AFF1: variants seen among roughly 807,000 people sequenced by gnomAD.
The protein encoded by AFF1 is ALF transcription elongation factor 1, also known as AF4/FMR2 family member 1.
Under a neutral mutation model 121.7 loss-of-function variants are expected in AFF1, and 48 were observed. The observed-to-expected ratio is 0.39, with a 90% confidence interval of 0.31 to 0.50. The LOEUF (loss-of-function observed/expected upper bound fraction) is 0.50, where lower values mean the gene tolerates loss of function less well. AFF1 is among the 20% of genes least tolerant of loss of function. The pLI, the probability that AFF1 is intolerant of heterozygous loss-of-function variation, is 0.76. For missense variants in AFF1, 1,523 were observed against 1,511.7 expected (o/e 1.01, Z -0.12); for synonymous variants, 613 against 563.0 (o/e 1.09, Z -1.26).
At chr4:87,038,746 C>A (rs539065840) in intron 2 of AFF1, among the ~76,000 whole-genome samples, 1 of 152,296 alleles carries the variant, frequency 6.6e-6, no homozygotes, top group East Asian at 1.9e-4. Flanking sequence ...AAGACTTAAT[C>A]CTTTCCAGAG....
At chr4:87,069,722 T>C (rs1368394791) in intron 4 of AFF1, among the ~76,000 whole-genome samples, 1 of 152,180 alleles carries the variant, frequency 6.6e-6, no homozygotes, top group African/African-American at 2.4e-5. Flanking sequence ...ACTTGGAGTT[T>C]TGTATCTGGA....
At chr4:87,127,532 TC>T in intron 15 of AFF1, 110 bp from the exon 16 acceptor site, 2 of 940,370 alleles carry the variant, frequency 2.1e-6, no homozygotes, top group South Asian at 1.5e-5. Flanking sequence ...TTGTTTACCC[TC>T]TCTCCTCCCC....
At chr4:87,109,556 A>G (rs112351800) in intron 11 of AFF1, among the ~76,000 whole-genome samples, 4 of 152,356 alleles carry the variant, frequency 2.6e-5, no homozygotes, top group African/African-American at 9.6e-5. Flanking sequence ...GGAAAAGGAT[A>G]CTGAATATGC....
chr4:86,972,405 T>C (rs1448246727), intron 2 of AFF1, among the ~76,000 whole-genome samples: 1 of 152,136 alleles, frequency 6.6e-6, no homozygotes, highest in Non-Finnish European at 1.5e-5. Context: ...GCACTTGAAA[T>C]GTGGCTGGTT....
intron 12 of AFF1, among the ~76,000 whole-genome samples, chr4:87,122,690 C>T (rs1727813049): frequency 6.6e-6 from 1 of 151,934 alleles, no homozygotes; most frequent in Non-Finnish European, 1.5e-5. Context: ...CTTATCTAAG[C>T]AGTATATTTA....
intron 19 of AFF1, 103 bp downstream of exon 19, chr4:87,132,511 T>C (rs1728929438): frequency 1.6e-6 from 2 of 1,218,470 alleles, no homozygotes. Flanking sequence ...CACTTTGCCT[T>C]TTCAAAAATT....
intron 5 of AFF1, among the ~76,000 whole-genome samples, chr4:87,086,876 A>G (rs1347379651): frequency 6.6e-6 from 1 of 152,252 alleles, no homozygotes; most frequent in Non-Finnish European, 1.5e-5. Context: ...AATCAATCAT[A>G]GAAGATAATG....
At chr4:87,115,738 A>G (rs561495725) in intron 12 of AFF1, among the ~76,000 whole-genome samples, 5 of 150,148 alleles carry the variant, frequency 3.3e-5, no homozygotes, top group African/African-American at 1.2e-4. Context: ...CCTCCTGAGT[A>G]GCTGGGACCA....
At chr4:86,981,910 G>T (rs561779433) in intron 2 of AFF1, among the ~76,000 whole-genome samples, 1 of 152,332 alleles carries the variant, frequency 6.6e-6, no homozygotes, top group South Asian at 2.1e-4. Context: ...AGACAGCAAG[G>T]CGTGTAGTTG....
chr4:86,990,605 G>A (rs1724624428), intron 2 of AFF1, among the ~76,000 whole-genome samples: 1 of 152,130 alleles, frequency 6.6e-6, no homozygotes, highest in Non-Finnish European at 1.5e-5. Context: ...AAGAAGGGGA[G>A]TGAAAGGAGT....
In AFF1 at chr4:87,108,261, G is replaced by A. The variant is rs1465311174; in HGVS notation, c.1479G>A (p.Glu493=). 6.2e-7 allele frequency: 1 copy of A among 1,614,066 alleles called. No homozygotes were observed. The highest frequency in any genetic ancestry group is 8.5e-7 in the Non-Finnish European group (1 of 1,180,008). ...ACAGTTCCTCAGACTCAGAGAGCGAGAGCAGTTCAAGTGACAGCGAAGAAA... is the reference window on the plus strand; with the variant it reads ...ACAGTTCCTCAGACTCAGAGAGCGAAAGCAGTTCAAGTGACAGCGAAGAAA... ...DSDSSSDSES[E]SSSSDSEENE... is the part of the protein sequence containing the mutation. Residue 493 remains glutamate (E), a synonymous_variant, in exon 11 of 21, where the codon GAG becomes GAA. Coordinates refer to ENST00000395146, the MANE Select transcript of AFF1 (RefSeq NM_001166693.3).
chr4:87,047,929 A>G, intron 4 of AFF1: 2 of 296,152 alleles, frequency 6.8e-6, no homozygotes, highest in South Asian at 7.8e-5. Context: ...ATCAAGAGAG[A>G]GAAGATTTCG....
chr4:87,105,611 G>A lies in AFF1; in HGVS notation c.1284-17G>A. On this transcript the variant is annotated splice_polypyrimidine_tract_variant and intron_variant, in intron 8 of 20. Transcript: ENST00000395146. ...TCATTTCACATTCATTCTTCTCTGT[G>A]TCCCTGCCCATTCCAGCATGCTCGA... The A allele has an allele frequency of 6.2e-7, 1 of 1,613,988 alleles. No individual in the cohort carries two copies. Among genetic ancestry groups the A allele is most frequent in the Non-Finnish European group, 8.5e-7 (1 of 1,179,978 alleles).
intron 5 of AFF1, among the ~76,000 whole-genome samples, chr4:87,089,256 T>C (rs1560613602): frequency 6.6e-6 from 1 of 152,230 alleles, no homozygotes; most frequent in Non-Finnish European, 1.5e-5. Context: ...ACACATCTTT[T>C]TTCTGACATA....
Position 87,138,726 on chromosome 4 carries a change from T to G in AFF1, c.*3025T>G, listed in dbSNP as rs1464995516. ...AGGAGTGGGAGGGCCCAGCAAGCAT[T>G]TATCAGAAATAGAATCACAATAGGA... On this transcript the variant is annotated 3_prime_UTR_variant, in exon 21 of 21. Coordinates refer to ENST00000395146, the MANE Select transcript of AFF1 (RefSeq NM_001166693.3). The G allele has an allele frequency of 4.3e-6, 1 of 231,090 alleles. No homozygotes were observed. Among genetic ancestry groups the G allele is most frequent in the Non-Finnish European group, 8.6e-6 (1 of 116,810 alleles). 14.3% of individuals were successfully genotyped at this position (231,090 alleles called of 1,614,324 possible). A position where few individuals can be genotyped will look rare whatever the true frequency, so the allele number is the denominator to read the frequency against.
intron 2 of AFF1, among the ~76,000 whole-genome samples, chr4:86,961,629 A>T (rs1467327802): frequency 6.6e-6 from 1 of 151,170 alleles, no homozygotes; most frequent in Non-Finnish European, 1.5e-5. Flanking sequence ...ACTGAGTCAT[A>T]TGGCAGGAAA....
chr4:87,107,280 G>T (rs1211391568), intron 10 of AFF1, among the ~76,000 whole-genome samples: 1 of 152,170 alleles, frequency 6.6e-6, no homozygotes, highest in Non-Finnish European at 1.5e-5. Flanking sequence ...CCAGATTATA[G>T]TTAATGACTT....
Position 87,025,282 on chromosome 4 carries a change from A to G in AFF1, c.39-20884A>G, listed in dbSNP as rs1160248097. Among the ~76,000 whole-genome samples, 4 of 152,222 alleles carry G rather than the reference A, an allele frequency of 2.6e-5. No homozygotes were observed. In the South Asian group the frequency reaches 8.3e-4, roughly 32 times the overall value. ...AACACTAGGCACTGGGCTCAGCACT[A>G]TGTCTGCATTAGTTAATGTAATTAT... On this transcript the variant is annotated intron_variant, in intron 2 of 20. Coordinates refer to ENST00000395146, the MANE Select transcript of AFF1 (RefSeq NM_001166693.3).
intron 2 of AFF1, among the ~76,000 whole-genome samples, chr4:86,984,189 A>G (rs967365634): frequency 5.9e-5 from 9 of 152,186 alleles, no homozygotes; most frequent in African/African-American, 1.7e-4. Context: ...GCTGTGGACA[A>G]TCGTAATTTT....
Sources: allele counts gnomAD v4.1 joint callset (sites outside exome capture counted in the v4.1 genomes callset), GRCh38; gene constraint gnomAD v4.1.1; transcripts MANE v1.5; gene names NCBI Gene and HGNC (gene_info 2026-07-23, HGNC 2026-07-21).